MAGI2: variants seen among roughly 807,000 people sequenced by gnomAD.
MAGI2 encodes membrane associated guanylate kinase, WW and PDZ domain containing 2, also known as membrane-associated guanylate kinase, WW and PDZ domain-containing protein 2.
In MAGI2, 35 loss-of-function variants were observed where a neutral mutation model predicts 133.3. The ratio of observed to expected loss-of-function variants is 0.26; its 90% confidence interval spans 0.20 to 0.35. The LOEUF (loss-of-function observed/expected upper bound fraction) is 0.35. Among genes scored for constraint, MAGI2 ranks in the 10% least tolerant of loss-of-function variants. MAGI2 has a pLI of 1.00. For missense variants in MAGI2, 1,636 were observed against 1,863.4 expected, an observed-to-expected ratio of 0.88 and a Z score of 2.25; for synonymous variants, 729 against 710.6, an observed-to-expected ratio of 1.03 and a Z score of -0.41.
At chr7:79,103,069 A>G (rs932878861) in intron 1 of MAGI2, among the ~76,000 whole-genome samples, 1 of 152,178 alleles carries the variant, frequency 6.6e-6, no homozygotes. Flanking sequence ...CAGGCCCCAC[A>G]ATCTCTTAAA....
intron 1 of MAGI2, among the ~76,000 whole-genome samples, chr7:79,385,972 T>C (rs1049457375): frequency 2.6e-5 from 4 of 152,014 alleles, no homozygotes; most frequent in Non-Finnish European, 5.9e-5. Context: ...AAATTTATTT[T>C]TTTAAAAGAC....
intron 1 of MAGI2, among the ~76,000 whole-genome samples, chr7:79,237,160 AT>A (rs1448862010): frequency 1.3e-5 from 2 of 152,230 alleles, no homozygotes; most frequent in Non-Finnish European, 2.9e-5. Context: ...ATACATTAAA[AT>A]GGGTCTTTAC....
intron 2 of MAGI2, among the ~76,000 whole-genome samples, chr7:78,932,840 G>A (rs1361869903): frequency 6.6e-6 from 1 of 152,128 alleles, no homozygotes; most frequent in Non-Finnish European, 1.5e-5. Flanking sequence ...CTATAATGCT[G>A]ATGAAACATC....
At chr7:78,284,048 TGTAAC>T (rs1218533752) in intron 9 of MAGI2, among the ~76,000 whole-genome samples, 2 of 151,888 alleles carry the variant, frequency 1.3e-5, no homozygotes, top group African/African-American at 4.8e-5. Flanking sequence ...GTGATAAATG[TGTAAC>T]ATTTAACAGA....
intron 1 of MAGI2, among the ~76,000 whole-genome samples, chr7:79,206,192 A>G (rs1049789173): frequency 1.3e-5 from 2 of 150,250 alleles, no homozygotes. Context: ...AAACACACCA[A>G]GCCAAAGTTA....
At chr7:79,021,490 T>C (rs982793500) in intron 1 of MAGI2, among the ~76,000 whole-genome samples, 2 of 152,192 alleles carry the variant, frequency 1.3e-5, no homozygotes, top group African/African-American at 4.8e-5. Flanking sequence ...GAGACATGGA[T>C]TCAAAGCAGA....
chr7:78,560,456 C>G (rs1018660230), intron 3 of MAGI2, among the ~76,000 whole-genome samples: 12 of 152,034 alleles, frequency 7.9e-5, no homozygotes, highest in Admixed American at 6.6e-4. Flanking sequence ...AATGTCAGAT[C>G]TGATGTGGCA....
At chr7:79,421,840 T>A (rs1435382502) in intron 1 of MAGI2, among the ~76,000 whole-genome samples, 1 of 152,092 alleles carries the variant, frequency 6.6e-6, no homozygotes, top group African/African-American at 2.4e-5. Flanking sequence ...CTAATCAGTA[T>A]GCATATGTCA....
chr7:78,285,125 T>G (rs12540093), intron 9 of MAGI2, among the ~76,000 whole-genome samples: 29,180 of 151,966 alleles, frequency 0.19, 3,290 homozygotes, highest in South Asian at 0.31. Flanking sequence ...AAGCACTGTT[T>G]CTAGTACATG....
At chr7:78,040,161 G>T (rs138137661) in intron 21 of MAGI2, among the ~76,000 whole-genome samples, 155 of 152,382 alleles carry the variant, frequency 1.0e-3, no homozygotes, top group Middle Eastern at 6.8e-3. Flanking sequence ...TCCTGAGACA[G>T]CTCGTTGTGC....
intron 1 of MAGI2, among the ~76,000 whole-genome samples, chr7:79,294,919 T>G (rs541872949): frequency 6.6e-6 from 1 of 150,918 alleles, no homozygotes; most frequent in African/African-American, 2.4e-5. Flanking sequence ...TTTTTTTTTT[T>G]AGTAGAGACG....
At chr7:79,401,163 T>C (rs1383696842) in intron 1 of MAGI2, among the ~76,000 whole-genome samples, 1 of 152,094 alleles carries the variant, frequency 6.6e-6, no homozygotes, top group Non-Finnish European at 1.5e-5. Context: ...CAAATACAAA[T>C]GTTTAAAACT....
At chr7:79,245,035 C>T (rs1209871605) in intron 1 of MAGI2, among the ~76,000 whole-genome samples, 1 of 152,134 alleles carries the variant, frequency 6.6e-6, no homozygotes, top group African/African-American at 2.4e-5. Context: ...AGAAGGGAAC[C>T]CACTTCCTTA....
intron 1 of MAGI2, among the ~76,000 whole-genome samples, chr7:79,375,204 A>G (rs1443987678): frequency 6.6e-6 from 1 of 152,030 alleles, no homozygotes; most frequent in Non-Finnish European, 1.5e-5. Context: ...ATAAATACCG[A>G]TTGAGTATAA....
At chr7:78,845,823 C>T (rs1792551580) in intron 2 of MAGI2, among the ~76,000 whole-genome samples, 1 of 151,782 alleles carries the variant, frequency 6.6e-6, no homozygotes, top group African/African-American at 2.4e-5. Flanking sequence ...GACTAATGAG[C>T]TATAGCATTT....
intron 1 of MAGI2, among the ~76,000 whole-genome samples, chr7:79,083,877 T>C (rs1816265731): frequency 1.3e-5 from 2 of 151,726 alleles, no homozygotes; most frequent in South Asian, 4.1e-4. Flanking sequence ...ATTTTCTATG[T>C]TTTCTTGAGT....
At chr7:78,313,015 G>A (rs1798849729) in intron 9 of MAGI2, among the ~76,000 whole-genome samples, 1 of 151,396 alleles carries the variant, frequency 6.6e-6, no homozygotes, top group African/African-American at 2.4e-5. Flanking sequence ...CCATAAAAAT[G>A]AATGAAATCA....
At chr7:78,635,190 A>T (rs1200775067) in intron 2 of MAGI2, among the ~76,000 whole-genome samples, 1 of 152,242 alleles carries the variant, frequency 6.6e-6, no homozygotes, top group East Asian at 1.9e-4. Flanking sequence ...CAGTGAAGTC[A>T]CATGGAAGCG....
intron 1 of MAGI2, among the ~76,000 whole-genome samples, chr7:79,062,466 A>G (rs752128648): frequency 2.0e-4 from 30 of 152,136 alleles, no homozygotes; most frequent in Non-Finnish European, 3.8e-4. Flanking sequence ...CCTCCCTGTC[A>G]TCCTTGTTTT....
Sources: gnomAD v4.1 joint callset for allele counts (sites outside exome capture counted in the v4.1 genomes callset) on GRCh38, gnomAD v4.1.1 for gene constraint, MANE v1.5 for transcripts, NCBI Gene and HGNC (gene_info 2026-07-23, HGNC 2026-07-21) for gene names.